Variants in GPC6 observed in about 807,000 individuals in gnomAD.
GPC6 encodes the protein glypican 6, also known as glypican-6.
GPC6 carries 14 observed loss-of-function variants against 55.2 expected under a neutral mutation model. The ratio of observed to expected loss-of-function variants is 0.25; its 90% CI spans 0.17 to 0.40. The LOEUF (loss-of-function observed/expected upper bound fraction) is 0.40. GPC6 is among the 10% of genes least tolerant of loss of function. The pLI, the probability that GPC6 is intolerant of heterozygous loss-of-function variation, is 1.00. For synonymous variants in GPC6, 278 were observed against 259.6 expected (o/e 1.07, Z -0.68); for missense variants, 641 against 708.5 (o/e 0.90, Z 1.08).
At chr13:93,495,531 A>G (rs1256871844) in intron 1 of GPC6, among the ~76,000 whole-genome samples, 2 of 135,118 alleles carry the variant, frequency 1.5e-5, no homozygotes, top group Non-Finnish European at 3.2e-5. Flanking sequence ...GCTCGTCAAA[A>G]TCATTCTCCA....
chr13:93,641,423 A>G (rs4085921), intron 2 of GPC6, among the ~76,000 whole-genome samples: 77,442 of 151,984 alleles, frequency 0.51, 22,381 homozygotes, highest in East Asian at 0.88. Context: ...ATGTTTATCA[A>G]TCCTTACTGA....
At chr13:94,167,534 A>G (rs1371778543) in intron 4 of GPC6, among the ~76,000 whole-genome samples, 1 of 152,210 alleles carries the variant, frequency 6.6e-6, no homozygotes, top group East Asian at 1.9e-4. Flanking sequence ...TTTTCAAGCT[A>G]CATTACAGCA....
At chr13:93,240,988 G>T (rs958337843) in intron 1 of GPC6, among the ~76,000 whole-genome samples, 1 of 152,084 alleles carries the variant, frequency 6.6e-6, no homozygotes, top group Non-Finnish European at 1.5e-5. Flanking sequence ...TGGCTTGTGA[G>T]TTTTTTGCTG....
intron 1 of GPC6, among the ~76,000 whole-genome samples, chr13:93,408,036 A>G (rs192971204): frequency 6.6e-6 from 1 of 152,256 alleles, no homozygotes; most frequent in Admixed American, 6.5e-5. Flanking sequence ...ATAAGCTACA[A>G]TACTAAGAGA....
chr13:93,814,508 GT>G (rs199584013), intron 2 of GPC6, among the ~76,000 whole-genome samples: 1 of 152,130 alleles, frequency 6.6e-6, no homozygotes, highest in Admixed American at 6.5e-5. Flanking sequence ...GGCCAATAGA[GT>G]TTTTTCACAT....
intron 2 of GPC6, among the ~76,000 whole-genome samples, chr13:93,822,015 T>TACATATATACATAATATGTATAC (rs1887064007): frequency 1.2e-5 from 1 of 82,610 alleles, no homozygotes; most frequent in Non-Finnish European, 2.3e-5. Context: ...TATATGTATA[T>TACATATATACATAATATGTATAC]ACATATATAC....
intron 2 of GPC6, among the ~76,000 whole-genome samples, chr13:93,587,829 G>A (rs1037072): frequency 0.7 from 106,160 of 152,054 alleles, 40,861 homozygotes; most frequent in Non-Finnish European, 0.85. Context: ...TTACACAGCT[G>A]ATTAGGAGTT....
chr13:93,553,694 CAAAA>C (rs34521652), intron 2 of GPC6, among the ~76,000 whole-genome samples: 1 of 56,666 alleles, frequency 1.8e-5, no homozygotes, highest in South Asian at 7.0e-4. Context: ...GACTCCATCT[CAAAA>C]AAAAAAAAAA....
intron 3 of GPC6, among the ~76,000 whole-genome samples, chr13:93,954,774 C>T (rs1236222500): frequency 6.6e-6 from 1 of 152,150 alleles, no homozygotes; most frequent in East Asian, 1.9e-4. Context: ...CCTGCAGTCT[C>T]TAAGTAAATA....
intron 4 of GPC6, among the ~76,000 whole-genome samples, chr13:94,029,525 C>G (rs147029701): frequency 6.6e-6 from 1 of 152,248 alleles, no homozygotes; most frequent in Admixed American, 6.5e-5. Flanking sequence ...AAAAGGTACA[C>G]TCATCAAGAA....
chr13:93,828,334 G>A lies in GPC6; in HGVS notation c.320-1820G>A, dbSNP rs571584864. On this transcript the variant is annotated intron_variant, in intron 2 of 8. Transcript: ENST00000377047. ...TACTTTCATTCTTGGTTTCCAGATC[G>A]GAAGGTTTAACTTATGATATTCTCA... Among the ~76,000 whole-genome samples the A allele has an allele frequency of 3.3e-5, 5 of 151,888 alleles. 1 individual carries two copies. Among genetic ancestry groups the A allele is most frequent in the African/African-American group, 1.2e-4 (5 of 41,450 alleles).
chr13:93,396,380 C>T lies in GPC6; in HGVS notation c.161-148883C>T, dbSNP rs570957439. Among the ~76,000 whole-genome samples, 27 of 152,032 alleles carry T rather than the reference C, an allele frequency of 1.8e-4. No individual in the cohort carries two copies. The East Asian group carries it at 4.7e-3, about 26-fold the overall frequency. ...GAGTTCGAGACCAGCCTGGCCAATA[C>T]GGTGAAAACCTGTCTTTACTAAAAA... On this transcript the variant is annotated intron_variant, in intron 1 of 8. Transcript: ENST00000377047.
At chr13:93,800,123 T>G (rs1277850925) in intron 2 of GPC6, among the ~76,000 whole-genome samples, 1 of 152,184 alleles carries the variant, frequency 6.6e-6, no homozygotes, top group South Asian at 2.1e-4. Flanking sequence ...TATTGTATTT[T>G]AAGAATGAAG....
At chr13:93,322,562 C>A (rs1879492990) in intron 1 of GPC6, among the ~76,000 whole-genome samples, 1 of 150,644 alleles carries the variant, frequency 6.6e-6, no homozygotes, top group South Asian at 2.1e-4. Context: ...TCAGCCTTCC[C>A]AGTAGCTGGG....
intron 2 of GPC6, among the ~76,000 whole-genome samples, chr13:93,783,481 C>T (rs1033495779): frequency 6.6e-6 from 1 of 152,178 alleles, no homozygotes; most frequent in African/African-American, 2.4e-5. Flanking sequence ...TCTGCAACCT[C>T]ACCAGCATCT....
chr13:94,043,849 A>C (rs1883630197), intron 4 of GPC6, among the ~76,000 whole-genome samples: 1 of 151,792 alleles, frequency 6.6e-6, no homozygotes, highest in South Asian at 2.1e-4. Flanking sequence ...ATCCAGTCAA[A>C]ATAGCTTTTC....
intron 1 of GPC6, among the ~76,000 whole-genome samples, chr13:93,284,881 T>C (rs1878060222): frequency 6.6e-6 from 1 of 152,164 alleles, no homozygotes; most frequent in African/African-American, 2.4e-5. Context: ...AGAGTCTTTA[T>C]CAGAGGTTGT....
chr13:93,521,366 A>C (rs776052940), intron 1 of GPC6, among the ~76,000 whole-genome samples: 2 of 151,868 alleles, frequency 1.3e-5, no homozygotes, highest in Non-Finnish European at 2.9e-5. Context: ...GCGATAGACC[A>C]GTATACTTGG....
rs959209327 is a variant in GPC6, at chr13:94,051,749, T to C, written c.877+23855T>C. Among the ~76,000 whole-genome samples, 6 of 152,176 alleles carry C rather than the reference T, an allele frequency of 3.9e-5. No homozygotes were observed. In the South Asian group the frequency reaches 8.3e-4, roughly 21 times the overall value. On this transcript the variant is annotated intron_variant, in intron 4 of 8. Transcript: ENST00000377047. ...CACAGATTCTGTGGCACTTTCAACA[T>C]GGCTTCAAGGAGATTTTTGTCTTAC...
Sources: gnomAD v4.1 joint callset for allele counts (sites outside exome capture counted in the v4.1 genomes callset) on GRCh38, gnomAD v4.1.1 for gene constraint, MANE v1.5 for transcripts, NCBI Gene and HGNC (gene_info 2026-07-23, HGNC 2026-07-21) for gene names.